CACNB2: variants seen among roughly 807,000 people sequenced by gnomAD.
The protein encoded by CACNB2 is voltage-dependent L-type calcium channel subunit beta-2.
Under a neutral mutation model 73.3 loss-of-function variants are expected in CACNB2, and 42 were observed. The observed-to-expected ratio is 0.57, with a 90% CI of 0.45 to 0.74. The LOEUF (loss-of-function observed/expected upper bound fraction) is 0.74. Among genes scored for constraint, CACNB2 ranks in the 30% least tolerant of loss-of-function variants. The pLI is 0.00. For synonymous variants in CACNB2, 348 were observed against 310.3 expected (o/e 1.12, Z -1.28); for missense variants, 940 against 853.0 (o/e 1.10, Z -1.27).
At chr10:18,322,233 A>C (rs2040423980) in intron 2 of CACNB2, among the ~76,000 whole-genome samples, 1 of 152,174 alleles carries the variant, frequency 6.6e-6, no homozygotes, top group Non-Finnish European at 1.5e-5. Flanking sequence ...ATTAACTCTG[A>C]TTTCCAAATT....
At chr10:18,500,587 G>A (rs1459764463) in intron 4 of CACNB2, among the ~76,000 whole-genome samples, 2 of 152,154 alleles carry the variant, frequency 1.3e-5, no homozygotes, top group Non-Finnish European at 2.9e-5. Flanking sequence ...TGGTCCTACG[G>A]CAGCACCAGG....
chr10:18,373,151 G>T lies in CACNB2; in HGVS notation c.214-28773G>T, dbSNP rs916477068. On this transcript the variant is annotated intron_variant, in intron 2 of 13. Transcript: ENST00000324631. ...CTAAAGACTAGCAGAACTCACCTCAGGCTGCACTGTCAGGAGGTTGTAAAG... is the reference window on the plus strand; with the variant it reads ...CTAAAGACTAGCAGAACTCACCTCATGCTGCACTGTCAGGAGGTTGTAAAG... Among the ~76,000 whole-genome samples, 3 of 152,010 alleles carry T rather than the reference G, an allele frequency of 2.0e-5. No homozygotes were observed. The East Asian group carries it at 5.8e-4, about 29-fold the overall frequency.
chr10:18,166,759 G>T (rs184652869), intron 2 of CACNB2, among the ~76,000 whole-genome samples: 1 of 152,192 alleles, frequency 6.6e-6, no homozygotes, highest in South Asian at 2.1e-4. Flanking sequence ...TAGGGGGAGC[G>T]GGGAGGGATA....
intron 3 of CACNB2, among the ~76,000 whole-genome samples, chr10:18,418,151 T>G (rs919608246): frequency 7.2e-5 from 11 of 152,206 alleles, no homozygotes; most frequent in Admixed American, 2.6e-4. Flanking sequence ...CTTGGCTCAC[T>G]GCAACCTCTG....
intron 2 of CACNB2, chr10:18,238,437 C>G: frequency 6.6e-6 from 1 of 152,152 alleles, no homozygotes; most frequent in Middle Eastern, 3.2e-3. Context: ...CAGAAACACA[C>G]TTCATTCTTT....
intron 9 of CACNB2, 103 bp from the exon 10 acceptor site, chr10:18,527,485 T>C: frequency 1.3e-6 from 1 of 770,970 alleles, no homozygotes; most frequent in Non-Finnish European, 2.4e-6. Flanking sequence ...AAAATATGGT[T>C]GCTATATATA....
chr10:18,504,990 A>C (rs890995806), intron 5 of CACNB2, among the ~76,000 whole-genome samples: 3 of 152,134 alleles, frequency 2.0e-5, no homozygotes, highest in Non-Finnish European at 4.4e-5. Context: ...ACATAACCAG[A>C]ATCCGGCAGT....
At chr10:18,356,658 T>C (rs552498514) in intron 2 of CACNB2, among the ~76,000 whole-genome samples, 37 of 151,902 alleles carry the variant, frequency 2.4e-4, no homozygotes, top group African/African-American at 8.9e-4. Flanking sequence ...TTTAACAGAG[T>C]CTTACTCTAT....
intron 3 of CACNB2, among the ~76,000 whole-genome samples, chr10:18,497,844 C>G (rs1247620886): frequency 6.6e-6 from 1 of 152,174 alleles, no homozygotes; most frequent in Non-Finnish European, 1.5e-5. Context: ...TTTCATAATT[C>G]GTTGCAGCCA....
At chr10:18,532,975 A>G (rs2053214351) in intron 10 of CACNB2, 1 of 152,174 alleles carries the variant, frequency 6.6e-6, no homozygotes, top group South Asian at 2.1e-4. Context: ...ATCTAGGTAA[A>G]AAAAAAAGGA....
chr10:18,186,351 G>A (rs574500193), intron 2 of CACNB2, among the ~76,000 whole-genome samples: 39 of 152,074 alleles, frequency 2.6e-4, no homozygotes, highest in Middle Eastern at 3.4e-3. Context: ...CCTGGGAGGC[G>A]GAGGCTGCGG....
At chr10:18,149,052 C>G (rs2031269973) in intron 1 of CACNB2, among the ~76,000 whole-genome samples, 1 of 150,972 alleles carries the variant, frequency 6.6e-6, no homozygotes, top group South Asian at 2.1e-4. Flanking sequence ...TCTTTGTTCT[C>G]AAAGATAATT....
At chr10:18,431,607 A>C (rs2045892057) in intron 3 of CACNB2, among the ~76,000 whole-genome samples, 1 of 152,178 alleles carries the variant, frequency 6.6e-6, no homozygotes, top group Non-Finnish European at 1.5e-5. Flanking sequence ...AGAGCTTTAC[A>C]TATAAATTAC....
intron 2 of CACNB2, among the ~76,000 whole-genome samples, chr10:18,197,521 A>G (rs1331024471): frequency 6.6e-6 from 1 of 152,162 alleles, no homozygotes; most frequent in African/African-American, 2.4e-5. Context: ...CCTTCAGCCA[A>G]CAGTGTGATG....
intron 10 of CACNB2, among the ~76,000 whole-genome samples, chr10:18,530,241 G>A (rs1275039867): frequency 2.0e-5 from 3 of 152,120 alleles, no homozygotes; most frequent in Non-Finnish European, 4.4e-5. Context: ...ACAGACTGGA[G>A]GCATTCATTC....
chr10:18,240,654 C>T (rs1290428200), intron 2 of CACNB2, among the ~76,000 whole-genome samples: 1 of 152,200 alleles, frequency 6.6e-6, no homozygotes, highest in Non-Finnish European at 1.5e-5. Flanking sequence ...AAAGCCATTT[C>T]TGTCTAACTG....
intron 3 of CACNB2, among the ~76,000 whole-genome samples, chr10:18,448,028 G>A (rs2046822132): frequency 6.6e-6 from 1 of 152,106 alleles, no homozygotes; most frequent in South Asian, 2.1e-4. Flanking sequence ...GTCTTGCTCT[G>A]TTGCCCAGGC....
At chr10:18,291,223 C>T (rs2039056123) in intron 2 of CACNB2, among the ~76,000 whole-genome samples, 1 of 152,176 alleles carries the variant, frequency 6.6e-6, no homozygotes, top group Non-Finnish European at 1.5e-5. Flanking sequence ...GCACTAGTGC[C>T]TCCTAAAATG....
chr10:18,539,829 C>A lies in CACNB2; in HGVS notation c.*105C>A. The A allele has an allele frequency of 8.7e-7, 1 of 1,153,224 alleles. No individual in the cohort carries two copies. Among genetic ancestry groups the A allele is most frequent in the Non-Finnish European group, 1.2e-6 (1 of 805,874 alleles). The allele number at this position is 1,153,224 out of a possible 1,614,324, so 71.4% of individuals were successfully genotyped here. ...GGTCTACACTGCAATCATATGTGATCTGTCTTGTAATATTTTGTATTATTG... is the reference window on the plus strand; with the variant it reads ...GGTCTACACTGCAATCATATGTGATATGTCTTGTAATATTTTGTATTATTG... On this transcript the variant is annotated 3_prime_UTR_variant, in exon 14 of 14. Coordinates refer to ENST00000324631, the MANE Select transcript of CACNB2 (RefSeq NM_201596.3).
Sources: allele counts gnomAD v4.1 joint callset (sites outside exome capture counted in the v4.1 genomes callset), GRCh38; gene constraint gnomAD v4.1.1; transcripts MANE v1.5; gene names NCBI Gene and HGNC (gene_info 2026-07-23, HGNC 2026-07-21).